Variants in PHTF2 observed in about 807,000 individuals in gnomAD.
PHTF2 encodes the protein putative homeodomain transcription factor 2.
PHTF2 carries 60 observed loss-of-function variants against 101.2 expected under a neutral mutation model. The observed-to-expected ratio is 0.59, with a 90% CI of 0.48 to 0.73. The LOEUF is 0.73. PHTF2 is among the 30% of genes least tolerant of loss of function. PHTF2 has a pLI of 0.00. For synonymous variants in PHTF2, 311 were observed against 307.3 expected, an observed-to-expected ratio of 1.01 and a Z score of -0.13; for missense variants, 747 against 908.7, an observed-to-expected ratio of 0.82 and a Z score of 2.29.
At position 77,886,574 on chromosome 7, in the gene PHTF2, G is replaced by A. The variant is rs77268605; in HGVS notation, c.148-7034G>A. Among the ~76,000 whole-genome samples the A allele has an allele frequency of 8.9e-4, 135 of 152,244 alleles. 1 individual carries two copies. In the East Asian group the frequency reaches 0.022, roughly 24 times the overall value. On this transcript the variant is annotated intron_variant, in intron 3 of 19. Coordinates refer to ENST00000416283, the Ensembl canonical transcript of PHTF2. ...TATAAAATTAGAGTAATGGTAGGAG[G>A]AGGTACATGATTCTCTATAAAGTTC...
At chr7:77,828,523 ACT>A (rs1308906579) in intron 1 of PHTF2, among the ~76,000 whole-genome samples, 12 of 151,882 alleles carry the variant, frequency 7.9e-5, no homozygotes, top group Non-Finnish European at 8.8e-5. Context: ...CAAGATTATA[ACT>A]CTAGGCTGGG....
chr7:77,858,475 C>A (rs1797355451), intron 3 of PHTF2, among the ~76,000 whole-genome samples: 1 of 152,010 alleles, frequency 6.6e-6, no homozygotes, highest in East Asian at 1.9e-4. Flanking sequence ...TGATTAAAAC[C>A]AAAACTAAGG....
At chr7:77,893,651 A>G in exon 4 of PHTF2, 1 of 1,393,302 alleles carries the variant, frequency 7.2e-7, no homozygotes, top group Non-Finnish European at 1.0e-6. Flanking sequence ...TCTGTTGAAC[A>G]GAGAGAAATC....
At chr7:77,942,961 C>T (rs1362859504) in intron 16 of PHTF2, among the ~76,000 whole-genome samples, 175 bp downstream of exon 15, 2 of 152,156 alleles carry the variant, frequency 1.3e-5, no homozygotes, top group African/African-American at 2.4e-5. Flanking sequence ...GTGCCATGAA[C>T]AGTGAGCATG....
rs977835992 is a variant in PHTF2, at chr7:77,897,007, A to T, written c.216+3014A>T. Reference sequence around the variant, plus strand: ...ATTATTTTTCCATAACCATTTTAGAAATTATAACTAAAAACTTTGATTTTT... The same window carrying T: ...ATTATTTTTCCATAACCATTTTAGATATTATAACTAAAAACTTTGATTTTT... On this transcript the variant is annotated intron_variant, in intron 5 of 19. Transcript: ENST00000416283. 2.6e-5 allele frequency among the ~76,000 whole-genome samples: 4 copies of T among 152,180 alleles called. No individual in the cohort carries two copies. The East Asian group carries it at 7.7e-4, about 29-fold the overall frequency.
chr7:77,932,621 A>T (rs1725748), intron 12 of PHTF2, among the ~76,000 whole-genome samples: 52,552 of 118,092 alleles, frequency 0.45, 11,854 homozygotes, highest in East Asian at 0.66. Flanking sequence ...AGAGAGAGAG[A>T]GTGTGTGTGT....
chr7:77,821,485 A>G (rs948346448), intron 1 of PHTF2, among the ~76,000 whole-genome samples: 10 of 151,624 alleles, frequency 6.6e-5, no homozygotes, highest in African/African-American at 1.9e-4. Context: ...TCTGCTGTAG[A>G]TGGCCCGTGG....
rs532479659 is a variant in PHTF2 at position 77,871,655 on chromosome 7, A to G, written c.147+16821A>G. On this transcript the variant is annotated intron_variant, in intron 3 of 19. Coordinates refer to ENST00000416283, the Ensembl canonical transcript of PHTF2. ...TATTGGATGCTGATTCAGAGCATACACTTTGCCCCAGCCCTGCAAAGTATT... is the reference window on the plus strand; with the variant it reads ...TATTGGATGCTGATTCAGAGCATACGCTTTGCCCCAGCCCTGCAAAGTATT... 6.6e-4 allele frequency among the ~76,000 whole-genome samples: 95 copies of G among 143,490 alleles called. 1 individual carries two copies. The South Asian group carries it at 0.013, about 19-fold the overall frequency. The allele number at this position is 143,490 out of a possible 152,430, so 94.1% of individuals were successfully genotyped here.
chr7:77,908,652 C>A, intron 7 of PHTF2, 141 bp from the exon 7 acceptor site: 1 of 523,674 alleles, frequency 1.9e-6, no homozygotes, highest in South Asian at 3.2e-5. Context: ...TCTGAGAGAG[C>A]TTGTCTCTAT....
chr7:77,940,691 A>T (rs1336156681), intron 15 of PHTF2, 32 bp downstream of exon 14: 1 of 1,498,028 alleles, frequency 6.7e-7, no homozygotes, highest in Non-Finnish European at 9.1e-7. Flanking sequence ...TAGCTTTAAC[A>T]TGCTGGCCCT....
intron 1 of PHTF2, among the ~76,000 whole-genome samples, chr7:77,819,960 A>G (rs1393051911): frequency 2.0e-5 from 3 of 151,640 alleles, no homozygotes; most frequent in Non-Finnish European, 4.4e-5. Context: ...TGTGATCTCG[A>G]CTCACTGCAA....
intron 3 of PHTF2, among the ~76,000 whole-genome samples, chr7:77,884,864 A>T (rs1419976492): frequency 6.6e-6 from 1 of 152,176 alleles, no homozygotes; most frequent in African/African-American, 2.4e-5. Context: ...GTGCCACTGC[A>T]CTCCAGCCTG....
intron 4 of PHTF2, 63 bp from the exon 4 acceptor site, chr7:77,893,919 C>T (rs1800662760): frequency 2.5e-6 from 3 of 1,193,168 alleles, no homozygotes; most frequent in Non-Finnish European, 3.7e-6. Context: ...TCCCCTTTCA[C>T]TTGTCACCTT....
intron 1 of PHTF2, among the ~76,000 whole-genome samples, chr7:77,806,110 G>T (rs1198435999): frequency 6.6e-6 from 1 of 151,832 alleles, no homozygotes; most frequent in African/African-American, 2.4e-5. Flanking sequence ...GGGAGGGGAG[G>T]TGGAGGTTGC....
At chr7:77,949,174 T>G (rs987101489) in intron 16 of PHTF2, among the ~76,000 whole-genome samples, 1 of 152,108 alleles carries the variant, frequency 6.6e-6, no homozygotes, top group Non-Finnish European at 1.5e-5. Flanking sequence ...AAAACAACAT[T>G]CAGTGGAATA....
chr7:77,836,974 C>CA (rs60178398), intron 1 of PHTF2, among the ~76,000 whole-genome samples: 3,242 of 89,510 alleles, frequency 0.036, 102 homozygotes, highest in African/African-American at 0.092. Context: ...ATAAAAAAAG[C>CA]AAAAAAAAAA....
intron 1 of PHTF2, among the ~76,000 whole-genome samples, chr7:77,807,898 C>T (rs1793120644): frequency 6.6e-6 from 1 of 151,968 alleles, no homozygotes; most frequent in African/African-American, 2.4e-5. Context: ...TAAAGGTCCA[C>T]CTTCATTTTT....
chr7:77,801,314 G>A (rs1562822465), intron 1 of PHTF2, among the ~76,000 whole-genome samples: 1 of 152,200 alleles, frequency 6.6e-6, no homozygotes, highest in Non-Finnish European at 1.5e-5. Context: ...AGCTGGGTGC[G>A]GTGGCTCACG....
chr7:77,911,163 A>C (rs1021920467), intron 9 of PHTF2, among the ~76,000 whole-genome samples: 1 of 151,538 alleles, frequency 6.6e-6, no homozygotes, highest in Admixed American at 6.6e-5. Context: ...ATGTACCATG[A>C]GCATTTGTGT....
Sources: gnomAD v4.1 joint callset for allele counts (sites outside exome capture counted in the v4.1 genomes callset) on GRCh38, gnomAD v4.1.1 for gene constraint, MANE v1.5 for transcripts, NCBI Gene and HGNC (gene_info 2026-07-23, HGNC 2026-07-21) for gene names.